Variants in PTPRT observed in about 807,000 individuals in gnomAD.
PTPRT encodes the protein receptor-type tyrosine-protein phosphatase T.
PTPRT carries 56 observed loss-of-function variants against 176.8 expected under a neutral mutation model. The observed-to-expected ratio is 0.32, with a 90% CI of 0.26 to 0.40. PTPRT has a LOEUF of 0.40. Among genes scored for constraint, PTPRT ranks in the 10% least tolerant of loss-of-function variants. The pLI is 1.00. For missense variants in PTPRT, 1,540 were observed against 1,908.2 expected (o/e 0.81, Z 3.60); for synonymous variants, 783 against 739.0 (o/e 1.06, Z -0.96).
intron 27 of PTPRT, among the ~76,000 whole-genome samples, chr20:42,096,762 T>A (rs1036732885): frequency 2.2e-4 from 26 of 119,022 alleles, no homozygotes; most frequent in Middle Eastern, 4.4e-3. Flanking sequence ...TAAAATTTTT[T>A]TTTTTTTTTT....
intron 1 of PTPRT, among the ~76,000 whole-genome samples, chr20:42,894,441 C>A (rs1568666029): frequency 6.6e-6 from 1 of 152,036 alleles, no homozygotes; most frequent in Admixed American, 6.5e-5. Context: ...AGTAGTAACT[C>A]ATTTAATTAT....
intron 23 of PTPRT, among the ~76,000 whole-genome samples, chr20:42,109,754 G>C (rs1382231338): frequency 6.6e-6 from 1 of 152,216 alleles, no homozygotes; most frequent in Non-Finnish European, 1.5e-5. Context: ...GACTGGACGA[G>C]AAGTAAATAA....
intron 12 of PTPRT, among the ~76,000 whole-genome samples, chr20:42,300,783 A>C (rs932468459): frequency 1.4e-5 from 2 of 141,296 alleles, no homozygotes; most frequent in Admixed American, 1.4e-4. Flanking sequence ...ATTATTATTT[A>C]TTATTATTAT....
chr20:43,014,163 T>TC (rs1166236879), intron 1 of PTPRT, among the ~76,000 whole-genome samples: 1 of 152,070 alleles, frequency 6.6e-6, no homozygotes, highest in Non-Finnish European at 1.5e-5. Context: ...GAAAAAGAGT[T>TC]CCCCCTGAGG....
intron 11 of PTPRT, among the ~76,000 whole-genome samples, chr20:42,349,071 G>A (rs1568797909): frequency 6.6e-6 from 1 of 152,154 alleles, no homozygotes; most frequent in Non-Finnish European, 1.5e-5. Flanking sequence ...CTATTTCAAT[G>A]CCTATCATTT....
At chr20:42,220,747 T>TG (rs2055867264) in intron 15 of PTPRT, among the ~76,000 whole-genome samples, 3 of 152,184 alleles carry the variant, frequency 2.0e-5, no homozygotes, top group Non-Finnish European at 4.4e-5. Flanking sequence ...GTACAACCCT[T>TG]TTTATAGGAT....
At chr20:42,642,212 G>C (rs2074773027) in intron 7 of PTPRT, among the ~76,000 whole-genome samples, 1 of 152,134 alleles carries the variant, frequency 6.6e-6, no homozygotes, top group Middle Eastern at 3.2e-3. Flanking sequence ...TCAGGTTATT[G>C]GGCCAAAGCT....
Position 42,988,082 on chromosome 20 carries a change from G to A in PTPRT, c.89-102150C>T, listed in dbSNP as rs774074761. Among the ~76,000 whole-genome samples, 132 of 152,278 alleles carry A rather than the reference G, an allele frequency of 8.7e-4. 1 individual carries two copies. The highest frequency in any genetic ancestry group is 1.5e-3 in the Non-Finnish European group (99 of 68,014). On this transcript the variant is annotated intron_variant, in intron 1 of 30. Coordinates refer to ENST00000373187, the MANE Select transcript of PTPRT (RefSeq NM_007050.6). Reference sequence around the variant, plus strand: ...TCCACTGATCACACACATCAGCCCTGGAACAACATGGGAGGGATTCTACAA... The same window carrying A: ...TCCACTGATCACACACATCAGCCCTAGAACAACATGGGAGGGATTCTACAA...
At chr20:42,657,610 T>C (rs2075148930) in intron 7 of PTPRT, among the ~76,000 whole-genome samples, 1 of 152,192 alleles carries the variant, frequency 6.6e-6, no homozygotes, top group South Asian at 2.1e-4. Context: ...CTGCATTGTT[T>C]ATAGCTCATG....
chr20:42,933,782 G>A (rs1258787642), intron 1 of PTPRT, among the ~76,000 whole-genome samples: 1 of 152,176 alleles, frequency 6.6e-6, no homozygotes, highest in African/African-American at 2.4e-5. Context: ...CAAGTCAGAA[G>A]AAGAAGAGGC....
intron 7 of PTPRT, among the ~76,000 whole-genome samples, chr20:42,555,890 G>A (rs1456558628): frequency 6.6e-6 from 1 of 152,150 alleles, no homozygotes; most frequent in Non-Finnish European, 1.5e-5. Context: ...CACCTAGGAG[G>A]GACGTGAGCA....
chr20:43,049,695 C>T (rs570752799), intron 1 of PTPRT, among the ~76,000 whole-genome samples: 3 of 152,258 alleles, frequency 2.0e-5, no homozygotes, highest in African/African-American at 7.2e-5. Context: ...CCAAGTATTT[C>T]CCGGGGAAAT....
At chr20:42,679,738 G>A (rs1055803303) in intron 6 of PTPRT, among the ~76,000 whole-genome samples, 8 of 151,424 alleles carry the variant, frequency 5.3e-5, no homozygotes, top group African/African-American at 1.7e-4. Flanking sequence ...TATACTGCTT[G>A]AGCTTTATCA....
At chr20:42,564,426 A>C (rs1389705608) in intron 7 of PTPRT, among the ~76,000 whole-genome samples, 1 of 152,216 alleles carries the variant, frequency 6.6e-6, no homozygotes, top group Non-Finnish European at 1.5e-5. Context: ...TGAAGAAAAA[A>C]CAATTAGAAA....
At chr20:43,031,926 T>C (rs1210804076) in intron 1 of PTPRT, among the ~76,000 whole-genome samples, 2 of 152,118 alleles carry the variant, frequency 1.3e-5, no homozygotes, top group Non-Finnish European at 2.9e-5. Flanking sequence ...ACAAAGCCTC[T>C]CCATGACCTT....
chr20:42,179,659 C>T (rs987935062), intron 16 of PTPRT, among the ~76,000 whole-genome samples: 5 of 151,810 alleles, frequency 3.3e-5, no homozygotes, highest in Non-Finnish European at 2.9e-5. Context: ...ACCCTCACCA[C>T]ATTTAGGGTC....
chr20:42,355,314 C>A (rs1276658873), intron 9 of PTPRT, among the ~76,000 whole-genome samples: 1 of 151,342 alleles, frequency 6.6e-6, no homozygotes, highest in East Asian at 1.9e-4. Flanking sequence ...GGCTACTTTC[C>A]TTTCTCTTCC....
intron 1 of PTPRT, among the ~76,000 whole-genome samples, chr20:43,054,585 A>C (rs1228044894): frequency 4.0e-5 from 6 of 150,520 alleles, no homozygotes; most frequent in Non-Finnish European, 5.9e-5. Context: ...AAAAAAAAAA[A>C]CAACCTTGGT....
chr20:42,799,759 C>T (rs2077503296), intron 2 of PTPRT, among the ~76,000 whole-genome samples: 1 of 152,176 alleles, frequency 6.6e-6, no homozygotes, highest in Non-Finnish European at 1.5e-5. Context: ...ACACACTGCC[C>T]CGTAAGCAAG....
Sources: allele counts gnomAD v4.1 joint callset (sites outside exome capture counted in the v4.1 genomes callset), GRCh38; gene constraint gnomAD v4.1.1; transcripts MANE v1.5; gene names NCBI Gene and HGNC (gene_info 2026-07-23, HGNC 2026-07-21).